Variants in FRY observed in about 807,000 individuals in gnomAD.
The protein encoded by FRY is FRY microtubule binding protein, also known as protein furry homolog.
In FRY, 128 loss-of-function variants were observed where a neutral mutation model predicts 348.4. The ratio of observed to expected loss-of-function variants is 0.37; its 90% CI spans 0.32 to 0.43. The LOEUF is 0.43. Ranked by LOEUF, FRY falls within the 20% of genes least tolerant of loss-of-function variation. The pLI is 1.00. For synonymous variants in FRY, 1,370 were observed against 1,374.7 expected, an observed-to-expected ratio of 1.00 and a Z score of 0.08; for missense variants, 2,736 against 3,695.2, an observed-to-expected ratio of 0.74 and a Z score of 6.73.
intron 28 of FRY, among the ~76,000 whole-genome samples, chr13:32,193,480 TGAGCTA>T (rs1883475661): frequency 6.6e-6 from 1 of 152,054 alleles, no homozygotes; most frequent in East Asian, 1.9e-4. Flanking sequence ...CACAATACTC[TGAGCTA>T]ATACATAGAG....
chr13:32,085,244 T>C (rs1345082538), intron 2 of FRY, among the ~76,000 whole-genome samples: 3 of 152,148 alleles, frequency 2.0e-5, no homozygotes, highest in Admixed American at 1.3e-4. Context: ...GGGTGACTCT[T>C]AGTGATCAGA....
intron 2 of FRY, among the ~76,000 whole-genome samples, chr13:32,096,437 CG>C (rs368268179): frequency 2.6e-4 from 38 of 148,150 alleles, no homozygotes; most frequent in East Asian, 5.9e-4. Flanking sequence ...GGGAAAACTG[CG>C]GGGGGGGGCT....
At chr13:32,275,963 T>C (rs563593355) in intron 56 of FRY, among the ~76,000 whole-genome samples, 1 of 152,254 alleles carries the variant, frequency 6.6e-6, no homozygotes, top group East Asian at 1.9e-4. Flanking sequence ...AGGATGTGCT[T>C]TGATTTTAAA....
chr13:32,234,582 C>G lies in FRY; in HGVS notation c.5536C>G (p.Leu1846Val), dbSNP rs769572113. Residue 1846 changes from leucine to valine, a missense_variant, in exon 42 of 61, where the codon CTG (leucine) becomes GTG (valine). Leu to Val is a conservative substitution (Grantham distance 32). Coordinates refer to ENST00000542859, the MANE Select transcript of FRY (RefSeq NM_023037.3). The stretch of plus-strand genomic sequence containing the variant: ...GGCTCTTGTTACCCTAGGCTTCCAT[C>G]TGGAGCACCAGTTGAGTGAAGTTGC... ...VFKDSKSGFH[L>V]EHQLSEVALQ... 1.9e-6 allele frequency: 3 copies of G among 1,613,842 alleles called. No individual in the cohort carries two copies. The highest frequency in any genetic ancestry group is 2.5e-6 in the Non-Finnish European group (3 of 1,179,956).
chr13:32,092,833 A>G (rs1046163348), intron 2 of FRY, among the ~76,000 whole-genome samples: 6 of 152,260 alleles, frequency 3.9e-5, no homozygotes, highest in Non-Finnish European at 8.8e-5. Flanking sequence ...GGTCCGTTTT[A>G]TAGCTCCACC....
chr13:32,163,829 T>C (rs1881587266), intron 17 of FRY, among the ~76,000 whole-genome samples: 1 of 152,192 alleles, frequency 6.6e-6, no homozygotes, highest in Non-Finnish European at 1.5e-5. Flanking sequence ...GTGCGTCCTG[T>C]TTATTATAAG....
chr13:32,235,177 A>G (rs1886155366), intron 42 of FRY, among the ~76,000 whole-genome samples: 1 of 152,204 alleles, frequency 6.6e-6, no homozygotes, highest in African/African-American at 2.4e-5. Flanking sequence ...CTCTATGGTT[A>G]GTCTCCAGTA....
intron 22 of FRY, 143 bp downstream of exon 22, chr13:32,179,176 A>G (rs1882547751): frequency 4.4e-6 from 3 of 674,514 alleles, no homozygotes; most frequent in Non-Finnish European, 7.8e-6. Flanking sequence ...TCTAAATTCC[A>G]TTGAGTGTTT....
At chr13:32,266,103 G>A (rs2138561045) in intron 54 of FRY, among the ~76,000 whole-genome samples, 1 of 152,272 alleles carries the variant, frequency 6.6e-6, no homozygotes, top group South Asian at 2.1e-4. Flanking sequence ...AACACCAGAG[G>A]TTAGATTAAT....
At position 32,289,737 on chromosome 13, in the gene FRY, G is replaced by C. The variant is rs768334691; in HGVS notation, c.8574G>C (p.Met2858Ile). 3.2e-6 allele frequency: 5 copies of C among 1,583,164 alleles called. No homozygotes were observed. In the South Asian group the frequency reaches 5.5e-5, roughly 17 times the overall value. ...GCCAGGTGCACGAAGTTAGCTCCAT[G>C]CCAGAGGTGAGTCCACACGCTTCCC... ...LIGQVHEVSSMPELLNMSREL... is the reference protein window; with the variant it reads ...LIGQVHEVSSIPELLNMSREL... Residue 2858 changes from methionine to isoleucine, a missense_variant, in exon 59 of 61, where the codon ATG becomes ATC. Coordinates refer to ENST00000542859, the MANE Select transcript of FRY (RefSeq NM_023037.3).
chr13:32,133,954 T>C (rs1323903764), intron 8 of FRY, among the ~76,000 whole-genome samples: 1 of 151,796 alleles, frequency 6.6e-6, no homozygotes, highest in African/African-American at 2.4e-5. Context: ...AATTTTTGTA[T>C]TTTTTTGTAG....
chr13:32,035,311 G>T (rs553531605), intron 1 of FRY, among the ~76,000 whole-genome samples: 1 of 152,106 alleles, frequency 6.6e-6, no homozygotes, highest in East Asian at 1.9e-4. Context: ...TTTTCTCCCA[G>T]ATTTACATTT....
At chr13:32,090,112 G>C (rs926657793) in intron 2 of FRY, among the ~76,000 whole-genome samples, 1 of 152,114 alleles carries the variant, frequency 6.6e-6, no homozygotes, top group African/African-American at 2.4e-5. Flanking sequence ...ACTTTGGGAG[G>C]CCGAGGCGGG....
intron 57 of FRY, 143 bp from the exon 58 acceptor site, chr13:32,278,322 G>A (rs55638138): frequency 1.2e-4 from 77 of 660,510 alleles, no homozygotes; most frequent in Middle Eastern, 3.4e-4. Context: ...CCCCAAATAC[G>A]ACCCTTTTCA....
intron 24 of FRY, 129 bp from the exon 25 acceptor site, chr13:32,184,471 T>C (rs773573228): frequency 1.5e-6 from 1 of 685,968 alleles, no homozygotes; most frequent in East Asian, 2.7e-5. Context: ...GAAAGAAAAA[T>C]GTATGCTGAC....
At chr13:32,049,452 T>TTTGA (rs1027468698) in intron 1 of FRY, among the ~76,000 whole-genome samples, 1 of 151,976 alleles carries the variant, frequency 6.6e-6, no homozygotes, top group African/African-American at 2.4e-5. Flanking sequence ...TGTTTGTTTG[T>TTTGA]TTTTTGGGAC....
In FRY at chr13:32,091,634, CCACCA is replaced by C. The variant is rs1420359751; in HGVS notation, c.271-10326_271-10322del. ...CCACAGCTCTCTACTGTGAAGGGTG[CCACCA>C]CATGGGGTGAGGAAGCTCACCACTA... On this transcript the variant is annotated intron_variant, in intron 2 of 60. Coordinates refer to ENST00000542859, the MANE Select transcript of FRY (RefSeq NM_023037.3). Among the ~76,000 whole-genome samples, 4 of 152,184 alleles carry C rather than the reference CCACCA, an allele frequency of 2.6e-5. No individual in the cohort carries two copies. In the East Asian group the frequency reaches 7.7e-4, roughly 29 times the overall value.
chr13:32,243,531 T>C (rs527515551), intron 46 of FRY, among the ~76,000 whole-genome samples: 16 of 152,346 alleles, frequency 1.1e-4, no homozygotes, highest in African/African-American at 3.6e-4. Context: ...TCCACTGATA[T>C]GTAAGAATAC....
At chr13:32,205,919 C>G (rs977458127) in intron 31 of FRY, among the ~76,000 whole-genome samples, 5 of 151,506 alleles carry the variant, frequency 3.3e-5, no homozygotes, top group Non-Finnish European at 5.9e-5. Flanking sequence ...AGGGGAGAAA[C>G]CAGAGCGAAA....
Sources: allele counts gnomAD v4.1 joint callset (sites outside exome capture counted in the v4.1 genomes callset), GRCh38; gene constraint gnomAD v4.1.1; transcripts MANE v1.5; gene names NCBI Gene and HGNC (gene_info 2026-07-23, HGNC 2026-07-21).